Variants in KCNRG observed in about 807,000 individuals in gnomAD.
The protein encoded by KCNRG is potassium channel regulator.
Under a neutral mutation model 17.7 loss-of-function variants are expected in KCNRG, and 17 were observed. That is an observed-to-expected ratio of 0.96 (90% confidence interval 0.66 to 1.44). KCNRG has a LOEUF of 1.44. Among genes scored for constraint, KCNRG ranks in the 40% most tolerant of loss-of-function variants. The pLI is 0.00. For missense variants in KCNRG, 311 were observed against 321.1 expected (o/e 0.97, Z 0.24); for synonymous variants, 97 against 116.5 (o/e 0.83, Z 1.08).
rs1876425987 is a variant in KCNRG at position 50,015,503 on chromosome 13, C to T, written c.10C>T (p.Gln4Ter). MSS[Q>*]ELVTLNVGGK... ...TTGAAGTGAGGGAAGAATGAGTAGT[C>T]AGGAACTGGTCACTTTGAATGTGGG... Residue 4 changes from glutamine (Q) to a stop codon, truncating the protein, a stop_gained, in exon 1 of 2, where the codon CAG becomes TAG. Transcript: ENST00000312942. LOFTEE classifies it high-confidence loss of function. 6.2e-7 allele frequency: 1 copy of T among 1,610,348 alleles called. No homozygotes were observed. Among genetic ancestry groups the T allele is most frequent in the Non-Finnish European group, 8.5e-7 (1 of 1,177,708 alleles).
At chr13:50,016,133 T>C (rs1022049679) in intron 1 of KCNRG, 62 bp downstream of exon 1, 3 of 1,263,578 alleles carry the variant, frequency 2.4e-6, no homozygotes, top group Middle Eastern at 2.0e-4. Flanking sequence ...TCTAAAAACT[T>C]GAAGTTCCTC....
At chr13:50,016,602 C>T (rs1024514822) in intron 1 of KCNRG, 2 of 167,464 alleles carry the variant, frequency 1.2e-5, no homozygotes, top group African/African-American at 4.8e-5. Flanking sequence ...AGCCTTGGCT[C>T]TTAAACAACT....
chr13:50,019,125 T>C (rs1223990403), intron 1 of KCNRG, among the ~76,000 whole-genome samples: 4 of 146,094 alleles, frequency 2.7e-5, no homozygotes, highest in African/African-American at 5.0e-5. Context: ...GAAAAGTTCA[T>C]GTGCATTTTT....
chr13:50,020,230 C>T lies in KCNRG; in HGVS notation c.595C>T (p.Pro199Ser). 6.2e-7 allele frequency: 1 copy of T among 1,613,958 alleles called. No individual in the cohort carries two copies. The highest frequency in any genetic ancestry group is 1.3e-5 in the African/African-American group (1 of 75,018). Reference sequence around the variant, plus strand: ...GTGTCCTAGGTATGTTTCTATAAAACCTGATAACCGAAAATTGGCCAACGG... The same window carrying T: ...GTGTCCTAGGTATGTTTCTATAAAATCTGATAACCGAAAATTGGCCAACGG... ...QTGVRYVSIK[P>S]DNRKLANGTN... Residue 199 changes from proline to serine, a missense_variant, in exon 2 of 2, where the codon CCT (proline) becomes TCT (serine). Transcript: ENST00000312942.
Position 50,020,597 on chromosome 13 carries a change from A to G in KCNRG, c.*143A>G, listed in dbSNP as rs887400863. 9 of 790,398 alleles carry G rather than the reference A, an allele frequency of 1.1e-5. No homozygotes were observed. Among genetic ancestry groups the G allele is most frequent in the South Asian group, 7.0e-5 (4 of 56,942 alleles). 49.0% of individuals were successfully genotyped at this position (790,398 alleles called of 1,614,324 possible). ...GCCGTCTCTGGGCAACCAGGCCCCA[A>G]CTGTGCTTAAGCCATAATGCCTGCT... On this transcript the variant is annotated 3_prime_UTR_variant, in exon 2 of 2. Coordinates refer to ENST00000312942, the MANE Select transcript of KCNRG (RefSeq NM_173605.2).
At chr13:50,016,267 A>AC in intron 1 of KCNRG, 196 bp downstream of exon 1, 2 of 543,860 alleles carry the variant, frequency 3.7e-6, no homozygotes, top group Admixed American at 6.8e-5. Context: ...GAAAGGGGCT[A>AC]TTATTAGGTG....
rs1184254177 is a variant in KCNRG, at chr13:50,016,947, G to GTC, written c.578+886_578+887dup. The GTC allele has an allele frequency of 7.2e-5, 12 of 165,636 alleles. No individual in the cohort carries two copies. The East Asian group carries it at 1.6e-3, about 21-fold the overall frequency. 10.3% of individuals were successfully genotyped at this position (165,636 alleles called of 1,614,324 possible). A position where few individuals can be genotyped will look rare whatever the true frequency, so the allele number is the denominator to read the frequency against. On this transcript the variant is annotated intron_variant, in intron 1 of 1. Coordinates refer to ENST00000312942, the MANE Select transcript of KCNRG (RefSeq NM_173605.2). ...AGTAGCCAACAGGAAGGATACCAGT[G>GTC]TCTCTCTCTCTTAGCGACACACTCC...
In KCNRG at chr13:50,015,836, C is replaced by T. The variant is rs777921805; in HGVS notation, c.343C>T (p.Leu115=). 1.2e-6 allele frequency: 2 copies of T among 1,614,022 alleles called. No individual in the cohort carries two copies. Among genetic ancestry groups the T allele is most frequent in the Admixed American group, 1.7e-5 (1 of 60,002 alleles). ...ACCTGCTCTTGTGGAGGTACATTTC[C>T]TAAGCCGGAACACTCAAGCTTTTTT... ...PRPALVEVHF[L]SRNTQAFFRV... is the part of the protein sequence containing the mutation. The change falls in exon 1 of 2, where the codon CTA becomes TTA. Residue 115 remains leucine (L), a synonymous_variant. Transcript: ENST00000312942.
rs766161755 is a variant in KCNRG, at chr13:50,016,012, C to G, written c.519C>G (p.Tyr173Ter). ...CACTGCCTCCACAAAGACCTTCTTA[C>G]CATGACCTGGTTTTCCAGTGTGGTT... is the stretch of plus-strand genomic sequence containing the variant. ...LLPLPPQRPS[Y>*]HDLVFQCGSD... The change falls in exon 1 of 2, where the codon TAC (tyrosine) becomes TAG (stop). Residue 173 changes from tyrosine to a stop codon, truncating the protein, a stop_gained. Coordinates refer to ENST00000312942, the MANE Select transcript of KCNRG (RefSeq NM_173605.2). LOFTEE classifies it high-confidence loss of function. 9.9e-6 allele frequency: 16 copies of G among 1,614,106 alleles called. No homozygotes were observed. Among genetic ancestry groups the G allele is most frequent in the Non-Finnish European group, 1.4e-5 (16 of 1,179,960 alleles).
In KCNRG at chr13:50,015,538, A is replaced by G. The variant is rs774378163; in HGVS notation, c.45A>G (p.Ile15Met). Reference sequence around the variant, plus strand: ...TCACTTTGAATGTGGGAGGGAAGATATTCACGACAAGGTTTTCTACGATAA... The same window carrying G: ...TCACTTTGAATGTGGGAGGGAAGATGTTCACGACAAGGTTTTCTACGATAA... The part of the protein sequence containing the change: ...ELVTLNVGGK[I>M]FTTRFSTIKQ... Residue 15 changes from isoleucine (I) to methionine (M), a missense_variant, in exon 1 of 2, where the codon ATA becomes ATG. Coordinates refer to ENST00000312942, the MANE Select transcript of KCNRG (RefSeq NM_173605.2). The G allele has an allele frequency of 3.7e-6, 6 of 1,613,836 alleles. No individual in the cohort carries two copies. In the African/African-American group the frequency reaches 6.7e-5, roughly 18 times the overall value.
chr13:50,015,925 A>G lies in KCNRG; in HGVS notation c.432A>G (p.Thr144=). The change falls in exon 1 of 2, where the codon ACA becomes ACG. Residue 144 remains threonine, a synonymous_variant. Coordinates refer to ENST00000312942, the MANE Select transcript of KCNRG (RefSeq NM_173605.2). The part of the protein sequence containing the change: ...EMLTGRITVF[T]EQPSAPTWNG... The stretch of plus-strand genomic sequence containing the variant: ...TAACAGGGAGGATTACAGTGTTTAC[A>G]GAACAACCTTCAGCGCCGACCTGGA... The G allele has an allele frequency of 1.2e-6, 2 of 1,614,142 alleles. No homozygotes were observed. The highest frequency in any genetic ancestry group is 1.7e-6 in the Non-Finnish European group (2 of 1,179,996).
At chr13:50,018,220 T>C (rs1876859588) in intron 1 of KCNRG, 1 of 167,046 alleles carries the variant, frequency 6.0e-6, no homozygotes, top group Admixed American at 6.5e-5. Context: ...TTTCAGTTTG[T>C]CCTCATAGGG....
rs1252581609 is a variant in KCNRG at position 50,016,045 on chromosome 13, C to T, written c.552C>T (p.Ser184=). 1 of 1,613,930 alleles carries T rather than the reference C, an allele frequency of 6.2e-7. No individual in the cohort carries two copies. Among genetic ancestry groups the T allele is most frequent in the African/African-American group, 1.3e-5 (1 of 75,036 alleles). ...TGGTTTTCCAGTGTGGTTCTGACAGCACTACTGATAACCAAACTGGAGTCA... is the reference window on the plus strand; with the variant it reads ...TGGTTTTCCAGTGTGGTTCTGACAGTACTACTGATAACCAAACTGGAGTCA... The part of the protein sequence containing the change: ...HDLVFQCGSD[S]TTDNQTGVRY... Residue 184 remains serine (S), a synonymous_variant, in exon 1 of 2, where the codon AGC becomes AGT. Transcript: ENST00000312942.
Position 50,016,079 on chromosome 13 carries a change from G to T in KCNRG, c.578+8G>T, listed in dbSNP as rs199853402. The T allele has an allele frequency of 1.3e-3, 2,025 of 1,600,854 alleles. 6 individuals carry two copies. The highest frequency in any genetic ancestry group is 4.3e-3 in the Middle Eastern group (26 of 6,028). On this transcript the variant is annotated splice_region_variant and intron_variant, in intron 1 of 1. Transcript: ENST00000312942. ...TAACCAAACTGGAGTCAGGTATTTT[G>T]TACTTTGCAGTATTTCTCTTGTATA...
rs201321734 is a variant in KCNRG, at chr13:50,015,701, C to G, written c.208C>G (p.Leu70Val). The G allele has an allele frequency of 1.5e-4, 245 of 1,613,916 alleles. No homozygotes were observed. Among genetic ancestry groups the G allele is most frequent in the Non-Finnish European group, 1.9e-4 (230 of 1,179,956 alleles). Residue 70 changes from leucine to valine, a missense_variant, in exon 1 of 2, where the codon CTT (leucine) becomes GTT (valine). Leu to Val is a conservative substitution (Grantham distance 32). Coordinates refer to ENST00000312942, the MANE Select transcript of KCNRG (RefSeq NM_173605.2). ...FILDFLRTHQ[L>V]LLPTEFSDYL... ...CTTAGATTTTTTGAGAACTCACCAGCTTTTATTACCCACTGAATTTTCAGA... is the reference window on the plus strand; with the variant it reads ...CTTAGATTTTTTGAGAACTCACCAGGTTTTATTACCCACTGAATTTTCAGA...
At chr13:50,016,339 G>A (rs1470253312) in intron 1 of KCNRG, 8 of 373,972 alleles carry the variant, frequency 2.1e-5, no homozygotes, top group Non-Finnish European at 5.0e-6. Context: ...TTCAAATCAT[G>A]GGAGAAAATA....
intron 1 of KCNRG, chr13:50,016,707 C>T (rs538718020): frequency 1.2e-5 from 2 of 167,154 alleles, no homozygotes; most frequent in Admixed American, 6.5e-5. Flanking sequence ...TGGATCCTAA[C>T]GCTGATTTCC....
chr13:50,019,077 C>G (rs1195339506), intron 1 of KCNRG, among the ~76,000 whole-genome samples: 1 of 152,106 alleles, frequency 6.6e-6, no homozygotes, highest in African/African-American at 2.4e-5. Flanking sequence ...TACGCCCAGC[C>G]TATGCTGACA....
chr13:50,015,830 C>A lies in KCNRG; in HGVS notation c.337C>A (p.His113Asn). Reference protein sequence around the residue: ...LQPRPALVEVHFLSRNTQAFF... With the variant: ...LQPRPALVEVNFLSRNTQAFF... Reference sequence around the variant, plus strand: ...GCCAAGACCTGCTCTTGTGGAGGTACATTTCCTAAGCCGGAACACTCAAGC... The same window carrying A: ...GCCAAGACCTGCTCTTGTGGAGGTAAATTTCCTAAGCCGGAACACTCAAGC... Residue 113 changes from histidine to asparagine, a missense_variant, in exon 1 of 2, where the codon CAT (histidine) becomes AAT (asparagine). Physicochemically the swap from His to Asn is moderately conservative, Grantham distance 68. Coordinates refer to ENST00000312942, the MANE Select transcript of KCNRG (RefSeq NM_173605.2). The A allele has an allele frequency of 1.2e-6, 2 of 1,614,128 alleles. No homozygotes were observed. The highest frequency in any genetic ancestry group is 1.7e-6 in the Non-Finnish European group (2 of 1,179,970).
Sources: allele counts gnomAD v4.1 joint callset (sites outside exome capture counted in the v4.1 genomes callset), GRCh38; gene constraint gnomAD v4.1.1; transcripts MANE v1.5; gene names NCBI Gene and HGNC (gene_info 2026-07-23, HGNC 2026-07-21).